Variants in SHANK2 observed in about 807,000 individuals in gnomAD.
SHANK2 encodes the protein SH3 and multiple ankyrin repeat domains 2, also known as SH3 and multiple ankyrin repeat domains protein 2.
SHANK2 carries 43 observed loss-of-function variants against 133.7 expected under a neutral mutation model. The ratio of observed to expected loss-of-function variants is 0.32; its 90% CI spans 0.25 to 0.41. The LOEUF is 0.41. Ranked by LOEUF, SHANK2 falls within the 10% of genes least tolerant of loss-of-function variation. SHANK2 has a pLI of 1.00. For missense variants in SHANK2, 1,994 were observed against 2,235.8 expected (o/e 0.89, Z 2.18); for synonymous variants, 1,017 against 952.8 (o/e 1.07, Z -1.24).
In SHANK2 at chr11:71,109,971, C is replaced by T; in HGVS notation, c.562G>A (p.Asp188Asn). The change falls in exon 6 of 26, where the codon GAT becomes AAT. Residue 188 changes from aspartate to asparagine, a missense_variant. By Grantham distance (23) the Asp-to-Asn change is conservative. Transcript: ENST00000601538. ...KITKMLDRGLDPNFHDPETGE... is the reference protein window; with the variant it reads ...KITKMLDRGLNPNFHDPETGE... ...GTCTCCGGGTCGTGGAAATTGGGAT[C>T]CAGGCCTCGGTCCAGCATCTTGGTG... is the stretch of plus-strand genomic sequence containing the variant. The T allele has an allele frequency of 6.4e-7, 1 of 1,551,624 alleles. No individual in the cohort carries two copies. The highest frequency in any genetic ancestry group is 8.7e-7 in the Non-Finnish European group (1 of 1,146,888).
Position 70,594,674 on chromosome 11 carries a change from C to CTGGA in SHANK2, c.2061+65150_2061+65153dup, listed in dbSNP as rs1199166172. On this transcript the variant is annotated intron_variant, in intron 17 of 25. Transcript: ENST00000601538. ...CTAAGGTGAGGAAAATGACTGGGAA[C>CTGGA]TGGATAAAAGTTGTGGTGGAACAAC... 2.0e-5 allele frequency among the ~76,000 whole-genome samples: 3 copies of CTGGA among 152,246 alleles called. No homozygotes were observed. In the East Asian group the frequency reaches 5.8e-4, roughly 29 times the overall value.
chr11:71,135,482 G>GTTTT (rs71949830), intron 3 of SHANK2, among the ~76,000 whole-genome samples: 1 of 115,706 alleles, frequency 8.6e-6, no homozygotes, highest in Non-Finnish European at 1.8e-5. Flanking sequence ...GGGGGGATAT[G>GTTTT]TTTTTTTTTT....
intron 3 of SHANK2, among the ~76,000 whole-genome samples, chr11:71,140,930 G>A (rs1319043038): frequency 2.6e-5 from 4 of 152,214 alleles, no homozygotes; most frequent in Non-Finnish European, 2.9e-5. Context: ...CACACCCAAC[G>A]CCAGCCTCCC....
chr11:70,901,109 C>G (rs1480312415), intron 10 of SHANK2, among the ~76,000 whole-genome samples: 2 of 152,084 alleles, frequency 1.3e-5, no homozygotes, highest in African/African-American at 4.8e-5. Flanking sequence ...CTCTACTCGA[C>G]AGAGGGGGAA....
intron 2 of SHANK2, among the ~76,000 whole-genome samples, chr11:71,193,449 C>T (rs1055223202): frequency 2.0e-5 from 3 of 152,224 alleles, no homozygotes; most frequent in Non-Finnish European, 4.4e-5. Flanking sequence ...AGGGCTTGAC[C>T]TTGCGCTGGA....
chr11:71,230,557 A>C (rs1215975606), intron 1 of SHANK2, among the ~76,000 whole-genome samples: 1 of 151,022 alleles, frequency 6.6e-6, no homozygotes, highest in African/African-American at 2.4e-5. Flanking sequence ...CAACAGAGTG[A>C]GACTCTGTCT....
At chr11:70,774,325 T>TG (rs531063938) in intron 14 of SHANK2, among the ~76,000 whole-genome samples, 27 of 149,596 alleles carry the variant, frequency 1.8e-4, no homozygotes, top group Non-Finnish European at 3.4e-4. Flanking sequence ...GAGTGACTTT[T>TG]GTTTTTTTTT....
intron 14 of SHANK2, among the ~76,000 whole-genome samples, chr11:70,725,829 G>A (rs1946169588): frequency 6.6e-6 from 1 of 152,202 alleles, no homozygotes; most frequent in African/African-American, 2.4e-5. Context: ...GAAAAAATGT[G>A]TACAGAAGCA....
At chr11:70,833,866 G>A (rs2921334) in intron 11 of SHANK2, among the ~76,000 whole-genome samples, 78,045 of 152,112 alleles carry the variant, frequency 0.51, 20,318 homozygotes, top group Middle Eastern at 0.61. Flanking sequence ...CCATCAGGCC[G>A]CTAGAGACAG....
intron 10 of SHANK2, among the ~76,000 whole-genome samples, chr11:70,939,489 G>A (rs7942400): frequency 0.36 from 54,435 of 151,858 alleles, 13,947 homozygotes; most frequent in African/African-American, 0.73. Flanking sequence ...AAAAATAATA[G>A]TAAAATAAAA....
At chr11:71,216,125 T>C (rs1433106942) in intron 2 of SHANK2, among the ~76,000 whole-genome samples, 2 of 152,104 alleles carry the variant, frequency 1.3e-5, no homozygotes, top group Non-Finnish European at 2.9e-5. Context: ...CTCCTAGGAA[T>C]CTACCCGAGA....
At chr11:70,797,832 T>TACATAC (rs1555049500) in intron 14 of SHANK2, among the ~76,000 whole-genome samples, 1 of 141,944 alleles carries the variant, frequency 7.0e-6, no homozygotes, top group Non-Finnish European at 1.5e-5. Context: ...TCCACTCTCA[T>TACATAC]ACACACACAC....
At chr11:71,215,054 A>G (rs916380710) in intron 2 of SHANK2, among the ~76,000 whole-genome samples, 17 of 152,184 alleles carry the variant, frequency 1.1e-4, no homozygotes, top group African/African-American at 2.9e-4. Context: ...TTCAGCGGAC[A>G]GCTCCCTCCA....
At position 70,804,261 on chromosome 11, in the gene SHANK2, C is replaced by T. The variant is rs905658207; in HGVS notation, c.1663+2741G>A. On this transcript the variant is annotated intron_variant, in intron 13 of 25. Transcript: ENST00000601538. This position sits in a 1 kb window ranked among gnomAD's most constrained non-coding sequence, Gnocchi z 4.1. The stretch of plus-strand genomic sequence containing the variant: ...AGGCAGTGGATCGGCTCGACCCGCC[C>T]GCCTCTAAGCACTGCCATGCAGGCA... Among the ~76,000 whole-genome samples the T allele has an allele frequency of 1.3e-5, 2 of 152,302 alleles. No individual in the cohort carries two copies. Among genetic ancestry groups the T allele is most frequent in the African/African-American group, 4.8e-5 (2 of 41,576 alleles).
chr11:71,117,100 A>C (rs1341283327), intron 4 of SHANK2, among the ~76,000 whole-genome samples: 1 of 151,906 alleles, frequency 6.6e-6, no homozygotes, highest in Non-Finnish European at 1.5e-5. Context: ...GCTCACTGCA[A>C]CCTCCACCTC....
chr11:70,915,349 C>T (rs782098138), intron 10 of SHANK2, among the ~76,000 whole-genome samples: 25 of 152,316 alleles, frequency 1.6e-4, no homozygotes, highest in Non-Finnish European at 1.0e-4. Flanking sequence ...ACGCTGGCGC[C>T]TAACATTTTA....
chr11:71,078,566 G>C (rs1209949580), intron 8 of SHANK2, among the ~76,000 whole-genome samples: 1 of 152,218 alleles, frequency 6.6e-6, no homozygotes, highest in Non-Finnish European at 1.5e-5. Context: ...TAAGGCAGGA[G>C]GTGGGACTCA....
intron 7 of SHANK2, among the ~76,000 whole-genome samples, chr11:71,093,781 C>T (rs147296556): frequency 8.5e-5 from 13 of 152,322 alleles, no homozygotes; most frequent in African/African-American, 3.1e-4. Context: ...AACAGACTCA[C>T]ACACCAACAG....
intron 17 of SHANK2, among the ~76,000 whole-genome samples, chr11:70,551,978 G>T (rs2059776434): frequency 6.6e-6 from 1 of 152,232 alleles, no homozygotes; most frequent in African/African-American, 2.4e-5. Context: ...GAGCCCGTGG[G>T]GGTGTGAGCT....
Sources: allele counts gnomAD v4.1 joint callset (sites outside exome capture counted in the v4.1 genomes callset), GRCh38; gene constraint gnomAD v4.1.1; non-coding constraint Gnocchi (gnomAD v3.1); transcripts MANE v1.5; gene names NCBI Gene and HGNC (gene_info 2026-07-23, HGNC 2026-07-21).